The following KCNJ10 variants were observed in gnomAD, a reference collection of about 807,000 sequenced individuals.
The protein encoded by KCNJ10 is ATP-sensitive inward rectifier potassium channel 10.
In KCNJ10, 9 loss-of-function variants were observed where a neutral mutation model predicts 22.2. The observed-to-expected ratio is 0.40, with a 90% CI of 0.24 to 0.71. KCNJ10 has a LOEUF of 0.71. Among genes scored for constraint, KCNJ10 ranks in the 30% least tolerant of loss-of-function variants. The probability of loss-of-function intolerance (pLI) is 0.35; values close to 1 mark genes in which losing one functional copy is unlikely to be tolerated. For missense variants in KCNJ10, 337 were observed against 482.7 expected, an observed-to-expected ratio of 0.70 and a Z score of 2.83; for synonymous variants, 184 against 187.3, an observed-to-expected ratio of 0.98 and a Z score of 0.15.
intron 1 of KCNJ10, 126 bp from the exon 2 acceptor site, chr1:160,042,658 A>G (rs1648640267): frequency 1.1e-6 from 1 of 926,730 alleles, no homozygotes; most frequent in Admixed American, 2.0e-5. Context: ...GTCTTACCAA[A>G]TATTTATTGA....
Position 160,041,739 on chromosome 1 carries a change from A to G in KCNJ10, c.794T>C (p.Leu265Ser). 6.2e-7 allele frequency: 1 copy of G among 1,614,122 alleles called. No homozygotes were observed. The highest frequency in any genetic ancestry group is 8.5e-7 in the Non-Finnish European group (1 of 1,180,016). Residue 265 changes from leucine (L) to serine (S), a missense_variant, in exon 2 of 2, where the codon TTG becomes TCG. Leu to Ser is a moderately radical substitution (Grantham distance 145). Around this residue, in one of 3 missense-constraint regions of KCNJ10, gnomAD observed 165 missense variants for 281.5 expected, o/e 0.59. Coordinates refer to ENST00000644903, the MANE Select transcript of KCNJ10 (RefSeq NM_002241.5). The surrounding 1 kb of genome is among the most constrained non-coding windows in gnomAD (Gnocchi z 4.4). ...FYHVVDETSP[L>S]KDLPLRSGEG... ...ACCACTGCGAAGAGGGAGATCTTTC[A>G]AGGGACTGGTCTCATCTACCACATG... is the stretch of plus-strand genomic sequence containing the variant.
At chr1:160,045,883 C>A (rs913574197) in intron 1 of KCNJ10, among the ~76,000 whole-genome samples, 1 of 152,208 alleles carries the variant, frequency 6.6e-6, no homozygotes, top group African/African-American at 2.4e-5. Context: ...CCAAGAGGAA[C>A]AATCAGGGAG....
chr1:160,056,997 A>G (rs1571272775), intron 1 of KCNJ10, among the ~76,000 whole-genome samples: 1 of 152,172 alleles, frequency 6.6e-6, no homozygotes, highest in Non-Finnish European at 1.5e-5. Flanking sequence ...GTCCCTATGT[A>G]TTCTCCTTTC....
intron 1 of KCNJ10, among the ~76,000 whole-genome samples, chr1:160,059,560 T>C (rs1334830011): frequency 6.6e-6 from 1 of 152,166 alleles, no homozygotes; most frequent in Non-Finnish European, 1.5e-5. Flanking sequence ...CAGCCCATTA[T>C]CTTCAATCTG....
At chr1:160,049,545 T>G (rs1648826305) in intron 1 of KCNJ10, among the ~76,000 whole-genome samples, 1 of 151,498 alleles carries the variant, frequency 6.6e-6, no homozygotes, top group Non-Finnish European at 1.5e-5. Flanking sequence ...TGCCTCTCTT[T>G]TCTGAGTTTC....
intron 1 of KCNJ10, among the ~76,000 whole-genome samples, chr1:160,050,747 A>T (rs1350238526): frequency 1.3e-5 from 2 of 152,096 alleles, no homozygotes; most frequent in Non-Finnish European, 2.9e-5. Context: ...GGAGCACATG[A>T]AAGATCTTAA....
chr1:160,056,588 C>T (rs188007116), intron 1 of KCNJ10, among the ~76,000 whole-genome samples: 1 of 152,328 alleles, frequency 6.6e-6, no homozygotes, highest in African/African-American at 2.4e-5. Flanking sequence ...CCCCACCTCC[C>T]AGGTAGAAAT....
intron 1 of KCNJ10, among the ~76,000 whole-genome samples, chr1:160,043,693 G>C (rs1648672718): frequency 6.6e-6 from 1 of 152,260 alleles, no homozygotes; most frequent in Admixed American, 6.5e-5. Context: ...AAGTAGAAGA[G>C]CTAGGGGTGT....
At position 160,057,012 on chromosome 1, in the gene KCNJ10, T is replaced by G. The variant is rs1259184489; in HGVS notation, c.-1+13010A>C. 5.3e-5 allele frequency among the ~76,000 whole-genome samples: 8 copies of G among 152,320 alleles called. No homozygotes were observed. In the South Asian group the frequency reaches 1.2e-3, roughly 24 times the overall value. The stretch of plus-strand genomic sequence containing the variant: ...GTCCCTATGTATTCTCCTTTCCCGC[T>G]ATTTGCCATCCTGTCTGTGTCACTT... On this transcript the variant is annotated intron_variant, in intron 1 of 1. Coordinates refer to ENST00000644903, the MANE Select transcript of KCNJ10 (RefSeq NM_002241.5).
intron 1 of KCNJ10, among the ~76,000 whole-genome samples, chr1:160,057,720 G>T (rs1374407163): frequency 6.6e-6 from 1 of 152,214 alleles, no homozygotes; most frequent in African/African-American, 2.4e-5. Flanking sequence ...AAGAGTTTGA[G>T]AAACTAGGGA....
chr1:160,049,299 A>T (rs1022281647), intron 1 of KCNJ10, among the ~76,000 whole-genome samples: 8 of 152,066 alleles, frequency 5.3e-5, no homozygotes, highest in Admixed American at 3.9e-4. Context: ...CCTGCTTTCT[A>T]GCCTTATCTC....
chr1:160,047,429 C>A (rs990436885), intron 1 of KCNJ10, among the ~76,000 whole-genome samples: 1 of 152,204 alleles, frequency 6.6e-6, no homozygotes, highest in Non-Finnish European at 1.5e-5. Context: ...CCTCTCAGCA[C>A]ACCATTCATG....
chr1:160,040,515 C>G lies in KCNJ10; in HGVS notation c.*878G>C. On this transcript the variant is annotated 3_prime_UTR_variant, in exon 2 of 2. Coordinates refer to ENST00000644903, the MANE Select transcript of KCNJ10 (RefSeq NM_002241.5). ...TTATTTTCAGACCTTTCCATGGGGC[C>G]TGGGTACTGGACTCTTTTCAAAGGA... 1 of 398,640 alleles carries G rather than the reference C, an allele frequency of 2.5e-6. No individual in the cohort carries two copies. Among genetic ancestry groups the G allele is most frequent in the Non-Finnish European group, 4.4e-6 (1 of 226,098 alleles). 24.7% of individuals were successfully genotyped at this position (398,640 alleles called of 1,614,324 possible). A position where few individuals can be genotyped will look rare whatever the true frequency, so the allele number is the denominator to read the frequency against.
chr1:160,041,647 C>T lies in KCNJ10; in HGVS notation c.886G>A (p.Val296Met), dbSNP rs1459465642. 1 of 1,614,202 alleles carries T rather than the reference C, an allele frequency of 6.2e-7. No homozygotes were observed. Reference sequence around the variant, plus strand: ...TCCTCTGGCAGGTAGGAAGTGCGCACCTGACAGGTGGCACTGGTGGACTCC... The same window carrying T: ...TCCTCTGGCAGGTAGGAAGTGCGCATCTGACAGGTGGCACTGGTGGACTCC... ...TVESTSATCQ[V>M]RTSYLPEEIL... The change falls in exon 2 of 2, where the codon GTG (valine) becomes ATG (methionine). Residue 296 changes from valine to methionine, a missense_variant. Coordinates refer to ENST00000644903, the MANE Select transcript of KCNJ10 (RefSeq NM_002241.5). The surrounding 1 kb of genome is among the most constrained non-coding windows in gnomAD (Gnocchi z 4.4).
chr1:160,053,417 G>A (rs997957341), intron 1 of KCNJ10, among the ~76,000 whole-genome samples: 2 of 152,196 alleles, frequency 1.3e-5, no homozygotes, highest in African/African-American at 4.8e-5. Context: ...AAGAGAGGAA[G>A]GGCAGGAAGA....
chr1:160,059,450 C>G (rs1291510921), intron 1 of KCNJ10, among the ~76,000 whole-genome samples: 1 of 152,166 alleles, frequency 6.6e-6, no homozygotes, highest in Non-Finnish European at 1.5e-5. Flanking sequence ...CTACAAGATC[C>G]TTTTCCTCAC....
At position 160,047,802 on chromosome 1, in the gene KCNJ10, G is replaced by A. The variant is rs766525947; in HGVS notation, c.1-5270C>T. ...GGCTGAAGTGCAGGAGTGCAGTGGTGCAATCTCAGCTCGCTACAACCTCTG... is the reference window on the plus strand; with the variant it reads ...GGCTGAAGTGCAGGAGTGCAGTGGTACAATCTCAGCTCGCTACAACCTCTG... On this transcript the variant is annotated intron_variant, in intron 1 of 1. Coordinates refer to ENST00000644903, the MANE Select transcript of KCNJ10 (RefSeq NM_002241.5). Among the ~76,000 whole-genome samples the A allele has an allele frequency of 5.3e-4, 81 of 152,168 alleles. 2 individuals carry two copies. The highest frequency in any genetic ancestry group is 1.9e-4 in the Non-Finnish European group (13 of 68,034).
intron 1 of KCNJ10, among the ~76,000 whole-genome samples, chr1:160,060,865 T>C (rs955064372): frequency 2.6e-5 from 4 of 152,166 alleles, no homozygotes; most frequent in African/African-American, 9.7e-5. Context: ...GGACTTATAA[T>C]TGATAGAGAT....
At chr1:160,045,179 C>T (rs886736583) in intron 1 of KCNJ10, among the ~76,000 whole-genome samples, 4 of 152,172 alleles carry the variant, frequency 2.6e-5, no homozygotes, top group African/African-American at 7.2e-5. Flanking sequence ...TAATCTAATT[C>T]GGTGACTTTA....
Sources: allele counts gnomAD v4.1 joint callset (sites outside exome capture counted in the v4.1 genomes callset), GRCh38; gene constraint gnomAD v4.1.1; regional missense constraint gnomAD v4.1.1; non-coding constraint Gnocchi (gnomAD v3.1); transcripts MANE v1.5; gene names NCBI Gene and HGNC (gene_info 2026-07-23, HGNC 2026-07-21).